Variants in HIVEP2 observed in about 807,000 individuals in gnomAD.
HIVEP2 encodes the protein HIVEP zinc finger 2.
Under a neutral mutation model 180.7 loss-of-function variants are expected in HIVEP2, and 14 were observed. That is an observed-to-expected ratio of 0.08 (90% CI 0.05 to 0.12). The LOEUF (loss-of-function observed/expected upper bound fraction) is 0.12, where lower values mean the gene tolerates loss of function less well. HIVEP2 is among the 10% of genes least tolerant of loss of function. HIVEP2 has a pLI of 1.00. For missense variants in HIVEP2, 2,579 were observed against 3,008.5 expected, an observed-to-expected ratio of 0.86 and a Z score of 3.34; for synonymous variants, 1,184 against 1,136.4, an observed-to-expected ratio of 1.04 and a Z score of -0.84.
intron 2 of HIVEP2, among the ~76,000 whole-genome samples, chr6:142,809,252 C>T (rs1204227715): frequency 6.6e-6 from 1 of 152,104 alleles, no homozygotes; most frequent in Non-Finnish European, 1.5e-5. Context: ...CAGACAAGGT[C>T]ATCACCTCTT....
At chr6:142,785,178 C>A (rs557431973) in intron 2 of HIVEP2, among the ~76,000 whole-genome samples, 1 of 151,676 alleles carries the variant, frequency 6.6e-6, no homozygotes, top group South Asian at 2.1e-4. Context: ...CGTGAGCCAC[C>A]GTGCCCGGCC....
chr6:142,771,047 G>A lies in HIVEP2; in HGVS notation c.3692C>T (p.Pro1231Leu). ...QQPPWWQAHFPHPFAQHPQKS... is the reference protein window; with the variant it reads ...QQPPWWQAHFLHPFAQHPQKS... ...CTGAGGGTGCTGAGCAAAGGGATGTGGGAAATGTGCCTGCCACCAGGGAGG... is the reference window on the plus strand; with the variant it reads ...CTGAGGGTGCTGAGCAAAGGGATGTAGGAAATGTGCCTGCCACCAGGGAGG... The change falls in exon 5 of 10, where the codon CCA (proline) becomes CTA (leucine). Residue 1231 changes from proline to leucine, a missense_variant. By Grantham distance (98) the Pro-to-Leu change is moderately conservative (BLOSUM62 -3). Coordinates refer to ENST00000367603, the MANE Select transcript of HIVEP2 (RefSeq NM_006734.4). The surrounding 1 kb of genome is among the most constrained non-coding windows in gnomAD (Gnocchi z 5.4). 1 of 1,614,176 alleles carries A rather than the reference G, an allele frequency of 6.2e-7. No individual in the cohort carries two copies. The highest frequency in any genetic ancestry group is 8.5e-7 in the Non-Finnish European group (1 of 1,180,048).
In HIVEP2 at chr6:142,757,167, A is replaced by G. The variant is rs758152936; in HGVS notation, c.6516+2605T>C. 6.9e-4 allele frequency among the ~76,000 whole-genome samples: 105 copies of G among 152,124 alleles called. 1 individual carries two copies. The highest frequency in any genetic ancestry group is 1.4e-3 in the Non-Finnish European group (93 of 68,024). ...CTGGGCTGTAAGGTCCCTTCACACC[A>G]CAGTCAGTGTCCTGTGGTGTGAGAA... On this transcript the variant is annotated intron_variant, in intron 9 of 9. Coordinates refer to ENST00000367603, the MANE Select transcript of HIVEP2 (RefSeq NM_006734.4).
At chr6:142,802,145 T>A (rs1045993345) in intron 2 of HIVEP2, among the ~76,000 whole-genome samples, 1 of 152,202 alleles carries the variant, frequency 6.6e-6, no homozygotes, top group Non-Finnish European at 1.5e-5. Context: ...GGCTCCATAC[T>A]GGGAGGAATT....
intron 2 of HIVEP2, among the ~76,000 whole-genome samples, chr6:142,793,622 C>CTCTTTCTTTCTTTCTTTCTT (rs753217978): frequency 3.4e-4 from 17 of 50,292 alleles, no homozygotes; most frequent in South Asian, 1.6e-3. Context: ...ATCCTTCCTT[C>CTCTTTCTTTCTTTCTTTCTT]TCTTTCTTTC....
At position 142,773,634 on chromosome 6, in the gene HIVEP2, G is replaced by A. The variant is rs1775614622; in HGVS notation, c.1105C>T (p.Leu369Phe). The change falls in exon 5 of 10, where the codon CTT (leucine) becomes TTT (phenylalanine). Residue 369 changes from leucine to phenylalanine, a missense_variant. Coordinates refer to ENST00000367603, the MANE Select transcript of HIVEP2 (RefSeq NM_006734.4). ...TTTTTCTCTGACAGTCTTAGTGCAA[G>A]TTTCTGTTTGACTGTGTGCGAATCA... is the stretch of plus-strand genomic sequence containing the variant. ...ADDSHTVKQK[L>F]ALRLSEKKGQ... 1 of 1,614,144 alleles carries A rather than the reference G, an allele frequency of 6.2e-7. No individual in the cohort carries two copies. Among genetic ancestry groups the A allele is most frequent in the East Asian group, 2.2e-5 (1 of 44,880 alleles).
intron 1 of HIVEP2, among the ~76,000 whole-genome samples, chr6:142,922,555 C>T (rs897850024): frequency 6.6e-6 from 1 of 152,124 alleles, no homozygotes; most frequent in Non-Finnish European, 1.5e-5. Flanking sequence ...TACACTTAAG[C>T]CTCATAAGGT....
intron 1 of HIVEP2, among the ~76,000 whole-genome samples, chr6:142,837,555 A>G (rs1355780000): frequency 6.6e-6 from 1 of 152,102 alleles, no homozygotes; most frequent in East Asian, 1.9e-4. Flanking sequence ...TCTTGGAGAT[A>G]ATTCACTGGC....
chr6:142,770,069 C>G lies in HIVEP2; in HGVS notation c.4670G>C (p.Ser1557Thr). 1 of 1,614,252 alleles carries G rather than the reference C, an allele frequency of 6.2e-7. No homozygotes were observed. Among genetic ancestry groups the G allele is most frequent in the Non-Finnish European group, 8.5e-7 (1 of 1,180,054 alleles). ...SRAPLPGQKS[S>T]GPSESKESSD... ...AGATTCTTTGCTTTCAGAAGGCCCA[C>G]TGGACTTCTGCCCCGGAAGTGGTGC... is the stretch of plus-strand genomic sequence containing the variant. The change falls in exon 5 of 10, where the codon AGT becomes ACT. Residue 1557 changes from serine (S) to threonine (T), a missense_variant. Ser to Thr is a moderately conservative substitution (Grantham distance 58). Transcript: ENST00000367603. This position sits in a 1 kb window ranked among gnomAD's most constrained non-coding sequence, Gnocchi z 4.7.
At chr6:142,942,369 G>C (rs1173453143) in intron 1 of HIVEP2, among the ~76,000 whole-genome samples, 1 of 151,992 alleles carries the variant, frequency 6.6e-6, no homozygotes, top group Non-Finnish European at 1.5e-5. Context: ...GAGTCAAACA[G>C]ATCTTCTGAA....
Position 142,774,041 on chromosome 6 carries a change from T to C in HIVEP2, c.698A>G (p.Tyr233Cys). 2 of 1,614,246 alleles carry C rather than the reference T, an allele frequency of 1.2e-6. No individual in the cohort carries two copies. Among genetic ancestry groups the C allele is most frequent in the Non-Finnish European group, 1.7e-6 (2 of 1,180,036 alleles). The change falls in exon 5 of 10, where the codon TAC becomes TGC. Residue 233 changes from tyrosine to cysteine, a missense_variant. Physicochemically the swap from Tyr to Cys is radical, Grantham distance 194. Coordinates refer to ENST00000367603, the MANE Select transcript of HIVEP2 (RefSeq NM_006734.4). The surrounding 1 kb of genome is among the most constrained non-coding windows in gnomAD (Gnocchi z 5.1). ...GFSFKTKSNL[Y>C]KHRKSHAHAI... is the part of the protein sequence containing the mutation. The stretch of plus-strand genomic sequence containing the variant: ...ATGGGCATGTGACTTCCTGTGCTTG[T>C]ACAAATTGCTCTTTGTCTTGAAAGA...
intron 1 of HIVEP2, among the ~76,000 whole-genome samples, chr6:142,921,299 T>C (rs2128434387): frequency 6.6e-6 from 1 of 152,318 alleles, no homozygotes; most frequent in Non-Finnish European, 1.5e-5. Context: ...CCCAGCACTT[T>C]GGGAGGCAGG....
At chr6:142,871,497 T>C (rs1776288253) in intron 1 of HIVEP2, among the ~76,000 whole-genome samples, 1 of 151,972 alleles carries the variant, frequency 6.6e-6, no homozygotes, top group African/African-American at 2.4e-5. Flanking sequence ...TGCAAGACCA[T>C]AAAACAAAAC....
At chr6:142,785,636 T>G (rs1775981253) in intron 2 of HIVEP2, among the ~76,000 whole-genome samples, 1 of 152,178 alleles carries the variant, frequency 6.6e-6, no homozygotes, top group Non-Finnish European at 1.5e-5. Context: ...CCCAACAAGC[T>G]CTGATGGGAC....
intron 8 of HIVEP2, 112 bp from the exon 9 acceptor site, chr6:142,760,779 A>G: frequency 1.4e-6 from 1 of 739,598 alleles, no homozygotes; most frequent in East Asian, 2.7e-5. Flanking sequence ...GTGCCCACAG[A>G]TAGTTATGTC....
At chr6:142,891,188 G>C (rs1029526109) in intron 1 of HIVEP2, among the ~76,000 whole-genome samples, 1 of 152,044 alleles carries the variant, frequency 6.6e-6, no homozygotes, top group African/African-American at 2.4e-5. Context: ...TTTCCACTTT[G>C]CAGAAAAGTA....
At chr6:142,798,728 G>A (rs984919981) in intron 2 of HIVEP2, among the ~76,000 whole-genome samples, 2 of 152,174 alleles carry the variant, frequency 1.3e-5, no homozygotes, top group Non-Finnish European at 2.9e-5. Flanking sequence ...ACAGAACTGA[G>A]TCCCAATTCT....
rs764717749 is a variant in HIVEP2, at chr6:142,772,650, G to A, written c.2089C>T (p.Arg697Cys). ...MFGTTCENRK[R>C]RKEKSVGDEE... The stretch of plus-strand genomic sequence containing the variant: ...TCCCCTACGCTCTTCTCTTTCCGGC[G>A]TTTCCTGTTTTCACAGGTAGTTCCA... The change falls in exon 5 of 10, where the codon CGC becomes TGC. Residue 697 changes from arginine (R) to cysteine (C), a missense_variant. This residue lies in a region of HIVEP2 where 524 missense variants were observed against 563.6 expected (regional missense o/e 0.93). Transcript: ENST00000367603. The surrounding 1 kb of genome is among the most constrained non-coding windows in gnomAD (Gnocchi z 4.9). 1.2e-6 allele frequency: 2 copies of A among 1,614,170 alleles called. No homozygotes were observed. Among genetic ancestry groups the A allele is most frequent in the Non-Finnish European group, 8.5e-7 (1 of 1,180,032 alleles).
intron 1 of HIVEP2, among the ~76,000 whole-genome samples, chr6:142,940,554 A>G (rs1219706591): frequency 6.6e-6 from 1 of 152,196 alleles, no homozygotes; most frequent in Admixed American, 6.5e-5. Flanking sequence ...GTCAGGTTGG[A>G]TAATCATTCC....
Sources: allele counts gnomAD v4.1 joint callset (sites outside exome capture counted in the v4.1 genomes callset), GRCh38; gene constraint gnomAD v4.1.1; regional missense constraint gnomAD v4.1.1; non-coding constraint Gnocchi (gnomAD v3.1); transcripts MANE v1.5; gene names NCBI Gene and HGNC (gene_info 2026-07-23, HGNC 2026-07-21).